The following XKR6 variants were observed in gnomAD, a reference collection of about 807,000 sequenced individuals.
The protein encoded by XKR6 is XK-related protein 6.
A neutral mutation model predicts 56.7 loss-of-function variants in XKR6; 22 were observed. The observed-to-expected ratio is 0.39, with a 90% CI of 0.28 to 0.55. The LOEUF (loss-of-function observed/expected upper bound fraction) is 0.55, where lower values mean the gene tolerates loss of function less well. XKR6 is among the 20% of genes least tolerant of loss of function. The probability of loss-of-function intolerance (pLI) is 0.66; values close to 1 mark genes in which losing one functional copy is unlikely to be tolerated. For synonymous variants in XKR6, 524 were observed against 387.8 expected (o/e 1.35, Z -4.13); for missense variants, 852 against 889.0 (o/e 0.96, Z 0.53).
chr8:11,032,932 G>T (rs75408823), intron 1 of XKR6, among the ~76,000 whole-genome samples: 1 of 152,306 alleles, frequency 6.6e-6, no homozygotes, highest in Non-Finnish European at 1.5e-5. Flanking sequence ...AAGATAAAAA[G>T]ATGACAACGA....
intron 1 of XKR6, among the ~76,000 whole-genome samples, chr8:11,098,241 AAC>A (rs373873132): frequency 3.6e-4 from 54 of 151,736 alleles, no homozygotes; most frequent in Non-Finnish European, 6.9e-4. Flanking sequence ...ACACACGCAC[AAC>A]ACACACACAC....
At chr8:11,107,964 A>T (rs1291642097) in intron 1 of XKR6, 1 of 302,086 alleles carries the variant, frequency 3.3e-6, no homozygotes, top group Non-Finnish European at 6.4e-6. Flanking sequence ...ATGCTCTTCC[A>T]TCTCTCCACT....
chr8:11,041,293 C>G (rs976890938), intron 1 of XKR6, among the ~76,000 whole-genome samples: 1 of 152,174 alleles, frequency 6.6e-6, no homozygotes, highest in African/African-American at 2.4e-5. Flanking sequence ...CGCGGTGGCT[C>G]ACGCCTGTAA....
At chr8:11,182,527 G>A (rs57520531) in intron 1 of XKR6, among the ~76,000 whole-genome samples, 10,688 of 152,280 alleles carry the variant, frequency 0.07, 430 homozygotes, top group South Asian at 0.1. Flanking sequence ...ACTGATAAGA[G>A]GCATATCTTG....
At chr8:11,049,469 G>A (rs1006456722) in intron 1 of XKR6, among the ~76,000 whole-genome samples, 1 of 152,150 alleles carries the variant, frequency 6.6e-6, no homozygotes, top group African/African-American at 2.4e-5. Flanking sequence ...GGGGGCTGCG[G>A]GAATTAGCCT....
At chr8:10,994,003 T>G (rs540903943) in intron 1 of XKR6, among the ~76,000 whole-genome samples, 1 of 152,208 alleles carries the variant, frequency 6.6e-6, no homozygotes, top group Non-Finnish European at 1.5e-5. Flanking sequence ...TATATCCTGT[T>G]TGGTGTTTCA....
chr8:11,102,653 TAAAACA>T (rs1798527942), intron 1 of XKR6, among the ~76,000 whole-genome samples: 2 of 152,232 alleles, frequency 1.3e-5, no homozygotes, highest in Admixed American at 6.5e-5. Flanking sequence ...GTAAGTGTGC[TAAAACA>T]GTTTCGTGCC....
chr8:11,030,966 C>T (rs1798980066), intron 1 of XKR6, among the ~76,000 whole-genome samples: 1 of 152,206 alleles, frequency 6.6e-6, no homozygotes, highest in Non-Finnish European at 1.5e-5. Flanking sequence ...AAAACTGAGG[C>T]TCTGAGAAGT....
rs1799937966 is a variant in XKR6 at position 10,898,120 on chromosome 8, C to T, written c.1758G>A (p.Lys586=). The T allele has an allele frequency of 1.1e-5, 17 of 1,614,022 alleles. No homozygotes were observed. The highest frequency in any genetic ancestry group is 1.4e-5 in the Non-Finnish European group (17 of 1,180,016). ...GGTATCGCTTTCTTGGCATGTCAAT[C>T]TTAATGAGGGGCCCTTCTGGGAGGT... is the stretch of plus-strand genomic sequence containing the variant. ...RPYLPEGPLI[K]IDMPRKRYPA... The change falls in exon 3 of 3, where the codon AAG becomes AAA. Residue 586 remains lysine (K), a synonymous_variant. Coordinates refer to ENST00000416569, the MANE Select transcript of XKR6 (RefSeq NM_173683.4). The surrounding 1 kb of genome is among the most constrained non-coding windows in gnomAD (Gnocchi z 6.6).
At position 11,035,260 on chromosome 8, in the gene XKR6, C is replaced by G. The variant is rs764114801; in HGVS notation, c.765-110430G>C. On this transcript the variant is annotated intron_variant, in intron 1 of 2. Coordinates refer to ENST00000416569, the MANE Select transcript of XKR6 (RefSeq NM_173683.4). ...ATGACGTAGCACCCCATTTCCAGCT[C>G]ACACCATCGGGATCACCGCCAGCAT... 1.8e-4 allele frequency: 97 copies of G among 534,666 alleles called. 1 individual carries two copies. The highest frequency in any genetic ancestry group is 2.3e-5 in the Non-Finnish European group (6 of 260,108). 33.1% of individuals were successfully genotyped at this position (534,666 alleles called of 1,614,324 possible).
intron 1 of XKR6, among the ~76,000 whole-genome samples, chr8:11,110,755 A>G (rs960240052): frequency 5.9e-5 from 9 of 152,260 alleles, no homozygotes; most frequent in East Asian, 3.9e-4. Context: ...ATTCATTCCA[A>G]TGGTCGAGAA....
Position 11,157,485 on chromosome 8 carries a change from G to GGTATGTAT in XKR6, c.764+43083_764+43090dup, listed in dbSNP as rs112971008. Among the ~76,000 whole-genome samples, 324 of 149,026 alleles carry GGTATGTAT rather than the reference G, an allele frequency of 2.2e-3. 2 individuals carry two copies. Among genetic ancestry groups the GGTATGTAT allele is most frequent in the East Asian group, 0.014 (70 of 5,094 alleles). The stretch of plus-strand genomic sequence containing the variant: ...AACCTAAAATTATTTTAAAATAAAA[G>GGTATGTAT]GTATGTATGTATGTATGTATGTATG... On this transcript the variant is annotated intron_variant, in intron 1 of 2. Coordinates refer to ENST00000416569, the MANE Select transcript of XKR6 (RefSeq NM_173683.4).
intron 1 of XKR6, among the ~76,000 whole-genome samples, chr8:11,165,528 G>A (rs943488427): frequency 8.5e-5 from 13 of 152,098 alleles, no homozygotes; most frequent in African/African-American, 2.4e-5. Flanking sequence ...TGAAGAAGAT[G>A]GCATGCTCTC....
At chr8:11,111,487 T>G (rs1313942597) in intron 1 of XKR6, among the ~76,000 whole-genome samples, 3 of 152,204 alleles carry the variant, frequency 2.0e-5, no homozygotes, top group African/African-American at 7.2e-5. Flanking sequence ...TTTACTGCCT[T>G]TAGGAGTGTC....
intron 1 of XKR6, among the ~76,000 whole-genome samples, chr8:11,114,724 C>CATAT (rs375492966): frequency 4.9e-5 from 6 of 122,150 alleles, no homozygotes; most frequent in African/African-American, 9.0e-5. Context: ...ACTTAGATCA[C>CATAT]ATATGTGTGT....
chr8:11,007,430 T>C (rs1343928757), intron 1 of XKR6, among the ~76,000 whole-genome samples: 2 of 152,182 alleles, frequency 1.3e-5, no homozygotes, highest in Non-Finnish European at 2.9e-5. Flanking sequence ...TCAAGGATCA[T>C]CTGATGCCTA....
chr8:11,083,091 G>T (rs756348812), intron 1 of XKR6, among the ~76,000 whole-genome samples: 1 of 152,092 alleles, frequency 6.6e-6, no homozygotes, highest in African/African-American at 2.4e-5. Flanking sequence ...GAACTCGGGG[G>T]CTGCTGCAGA....
chr8:10,901,213 G>A (rs1264607433), intron 2 of XKR6, among the ~76,000 whole-genome samples: 1 of 151,964 alleles, frequency 6.6e-6, no homozygotes, highest in Non-Finnish European at 1.5e-5. Context: ...ACACCACCAT[G>A]CCTGGGTAAT....
chr8:11,108,554 G>A, intron 1 of XKR6: 1 of 355,140 alleles, frequency 2.8e-6, no homozygotes, highest in Non-Finnish European at 5.5e-6. Context: ...TGGCTCAGCG[G>A]CCTTAGTGCC....
Sources: allele counts gnomAD v4.1 joint callset (sites outside exome capture counted in the v4.1 genomes callset), GRCh38; gene constraint gnomAD v4.1.1; non-coding constraint Gnocchi (gnomAD v3.1); transcripts MANE v1.5; gene names NCBI Gene and HGNC (gene_info 2026-07-23, HGNC 2026-07-21).